GABRA2: variants seen among roughly 807,000 people sequenced by gnomAD.
GABRA2 encodes gamma-aminobutyric acid receptor subunit alpha-2.
A neutral mutation model predicts 48.7 loss-of-function variants in GABRA2; 16 were observed. That is an observed-to-expected ratio of 0.33 (90% CI 0.22 to 0.50). The LOEUF (loss-of-function observed/expected upper bound fraction) is 0.50. GABRA2 is among the 20% of genes least tolerant of loss of function. The pLI, the probability that GABRA2 is intolerant of heterozygous loss-of-function variation, is 0.98. For missense variants in GABRA2, 275 were observed against 535.6 expected, an observed-to-expected ratio of 0.51 and a Z score of 4.80; for synonymous variants, 185 against 184.5, an observed-to-expected ratio of 1.00 and a Z score of -0.02.
chr4:46,390,090 C>A lies in GABRA2; in HGVS notation c.-366G>T, dbSNP rs1193128416. 2.1e-6 allele frequency: 2 copies of A among 957,480 alleles called. No homozygotes were observed. The highest frequency in any genetic ancestry group is 9.6e-5 in the South Asian group (2 of 20,780). 59.3% of individuals were successfully genotyped at this position (957,480 alleles called of 1,614,324 possible). ...AATTGGGGGGACGCGGGCGGAGGCG[C>A]GGTGCGCGCCGGCGGTGGCGGGCAC... On this transcript the variant is annotated 5_prime_UTR_variant, in exon 1 of 10. Transcript: ENST00000381620.
intron 4 of GABRA2, among the ~76,000 whole-genome samples, 189 bp from the exon 5 acceptor site, chr4:46,312,905 G>A (rs977760421): frequency 2.6e-5 from 4 of 151,906 alleles, no homozygotes; most frequent in African/African-American, 9.7e-5. Context: ...GATAAAGTAC[G>A]TCTGTGTATA....
At chr4:46,267,356 T>C (rs938123502) in intron 8 of GABRA2, among the ~76,000 whole-genome samples, 2 of 152,096 alleles carry the variant, frequency 1.3e-5, no homozygotes, top group African/African-American at 4.8e-5. Context: ...AACATCATTA[T>C]TATATTTTCC....
intron 3 of GABRA2, among the ~76,000 whole-genome samples, chr4:46,373,039 T>G (rs1365045369): frequency 6.6e-6 from 1 of 152,210 alleles, no homozygotes; most frequent in Non-Finnish European, 1.5e-5. Context: ...AAATTGCAGC[T>G]GCCCCCTGGA....
chr4:46,305,832 C>T (rs1184949796), intron 6 of GABRA2, 121 bp from the exon 7 acceptor site: 4 of 672,358 alleles, frequency 5.9e-6, no homozygotes, highest in African/African-American at 1.8e-5. Context: ...AGTTAAACAT[C>T]ACATTTAGGG....
chr4:46,318,549 A>G (rs1456171009), intron 4 of GABRA2, among the ~76,000 whole-genome samples: 1 of 151,688 alleles, frequency 6.6e-6, no homozygotes, highest in Non-Finnish European at 1.5e-5. Context: ...ATTCTTGAAA[A>G]GTGCATTTAA....
At chr4:46,316,115 T>C (rs1728517014) in intron 4 of GABRA2, among the ~76,000 whole-genome samples, 1 of 151,946 alleles carries the variant, frequency 6.6e-6, no homozygotes, top group Non-Finnish European at 1.5e-5. Flanking sequence ...TGCTTTATAG[T>C]ATTATATTGG....
intron 3 of GABRA2, among the ~76,000 whole-genome samples, chr4:46,369,984 T>C (rs1405681243): frequency 2.0e-5 from 3 of 152,102 alleles, no homozygotes; most frequent in African/African-American, 7.2e-5. Context: ...AAGTCTATTT[T>C]TAAATTTTCC....
intron 8 of GABRA2, among the ~76,000 whole-genome samples, chr4:46,301,001 A>C (rs964082462): frequency 6.6e-6 from 1 of 152,180 alleles, no homozygotes; most frequent in Admixed American, 6.5e-5. Flanking sequence ...ATTAATAATA[A>C]GAATAATAGC....
chr4:46,327,983 C>T (rs1188469108), intron 4 of GABRA2, among the ~76,000 whole-genome samples: 1 of 151,824 alleles, frequency 6.6e-6, no homozygotes, highest in East Asian at 1.9e-4. Context: ...TAATAATATG[C>T]ACACACAGTG....
rs760633379 is a variant in GABRA2 at position 46,305,581 on chromosome 4, A to G, written c.690T>C (p.Ile230=). The change falls in exon 7 of 10, where the codon ATT becomes ATC. Residue 230 remains isoleucine (I), a synonymous_variant. Transcript: ENST00000381620. ...LLGQSIGKET[I]KSSTGEYTVM... Reference sequence around the variant, plus strand: ...AATTTTACTAACCTGTACTGGATTTAATTGTCTCCTTTCCGATTGATTGGC... The same window carrying G: ...AATTTTACTAACCTGTACTGGATTTGATTGTCTCCTTTCCGATTGATTGGC... The G allele has an allele frequency of 1.2e-6, 2 of 1,613,804 alleles. No homozygotes were observed. Among genetic ancestry groups the G allele is most frequent in the Non-Finnish European group, 1.7e-6 (2 of 1,179,884 alleles).
intron 8 of GABRA2, among the ~76,000 whole-genome samples, chr4:46,287,702 C>T (rs998495544): frequency 2.7e-5 from 4 of 150,582 alleles, no homozygotes; most frequent in African/African-American, 9.8e-5. Flanking sequence ...GTGGGTGCAG[C>T]GCACCAGCAT....
chr4:46,389,973 G>C lies in GABRA2; in HGVS notation c.-249C>G, dbSNP rs1176203730. ...GGTGTAGAAGGAGGCGAAGGCGTTCGTAGTGGCGGTGATGGGCGGAGGAGG... is the reference window on the plus strand; with the variant it reads ...GGTGTAGAAGGAGGCGAAGGCGTTCCTAGTGGCGGTGATGGGCGGAGGAGG... On this transcript the variant is annotated 5_prime_UTR_variant, in exon 1 of 10. Coordinates refer to ENST00000381620, the MANE Select transcript of GABRA2 (RefSeq NM_000807.4). The C allele has an allele frequency of 1.2e-5, 12 of 987,666 alleles. No individual in the cohort carries two copies. Among genetic ancestry groups the C allele is most frequent in the Non-Finnish European group, 1.4e-5 (12 of 832,000 alleles). The allele number at this position is 987,666 out of a possible 1,614,324, so 61.2% of individuals were successfully genotyped here.
intron 8 of GABRA2, among the ~76,000 whole-genome samples, chr4:46,284,996 A>G (rs1020705958): frequency 1.4e-5 from 2 of 147,874 alleles, no homozygotes; most frequent in Admixed American, 6.8e-5. Flanking sequence ...AGAAACTTCT[A>G]TGCAATAATC....
At chr4:46,377,796 C>T (rs1175550595) in intron 3 of GABRA2, among the ~76,000 whole-genome samples, 8 of 143,352 alleles carry the variant, frequency 5.6e-5, no homozygotes, top group Non-Finnish European at 9.2e-5. Context: ...TCTGCCCGGC[C>T]GCCCCTACTG....
Position 46,246,928 on chromosome 4 carries a change from C to G in GABRA2, c.*3380G>C, listed in dbSNP as rs2109360249. On this transcript the variant is annotated 3_prime_UTR_variant, in exon 10 of 10. Transcript: ENST00000381620. ...TGCCAAAGAAAAGTACTTTGGTGCT[C>G]TTCTGGAATCCATGATTATATCATG... 6.6e-6 allele frequency among the ~76,000 whole-genome samples: 1 copy of G among 151,134 alleles called. No individual in the cohort carries two copies. The highest frequency in any genetic ancestry group is 2.0e-4 in the East Asian group (1 of 5,086).
intron 9 of GABRA2, chr4:46,260,964 A>G (rs1009935565): frequency 7.2e-5 from 11 of 152,034 alleles, no homozygotes; most frequent in Non-Finnish European, 1.3e-4. Flanking sequence ...AAATATATTC[A>G]AATAACTGAA....
chr4:46,327,104 T>C (rs190942833), intron 4 of GABRA2, among the ~76,000 whole-genome samples: 12 of 152,076 alleles, frequency 7.9e-5, no homozygotes, highest in African/African-American at 2.9e-4. Context: ...CTAACTAGTC[T>C]TCCTTTTCCC....
chr4:46,261,677 T>C (rs764111611), intron 9 of GABRA2: 11 of 574,622 alleles, frequency 1.9e-5, no homozygotes, highest in Non-Finnish European at 3.1e-5. Context: ...AGAGAGCATA[T>C]GTAAAACACT....
intron 3 of GABRA2, among the ~76,000 whole-genome samples, chr4:46,372,277 T>A (rs375733644): frequency 3.3e-5 from 5 of 152,174 alleles, no homozygotes; most frequent in East Asian, 3.9e-4. Context: ...TTTCCCCAGA[T>A]GTCTTCCTAG....
Sources: allele counts gnomAD v4.1 joint callset (sites outside exome capture counted in the v4.1 genomes callset), GRCh38; gene constraint gnomAD v4.1.1; transcripts MANE v1.5; gene names NCBI Gene and HGNC (gene_info 2026-07-23, HGNC 2026-07-21).